Variants in GRIA1 observed in about 807,000 individuals in gnomAD.
The protein encoded by GRIA1 is glutamate ionotropic receptor AMPA type subunit 1, also known as glutamate receptor 1.
GRIA1 carries 31 observed loss-of-function variants against 99.2 expected under a neutral mutation model. The observed-to-expected ratio is 0.31, with a 90% CI of 0.23 to 0.42. The LOEUF (loss-of-function observed/expected upper bound fraction) is 0.42. Among genes scored for constraint, GRIA1 ranks in the 10% least tolerant of loss-of-function variants. The probability of loss-of-function intolerance (pLI) is 1.00; values close to 1 mark genes in which losing one functional copy is unlikely to be tolerated. For missense variants in GRIA1, 782 were observed against 1,157.5 expected (o/e 0.68, Z 4.71); for synonymous variants, 438 against 432.4 (o/e 1.01, Z -0.16).
At chr5:153,526,371 T>C (rs1282456061) in intron 2 of GRIA1, among the ~76,000 whole-genome samples, 1 of 152,244 alleles carries the variant, frequency 6.6e-6, no homozygotes, top group Non-Finnish European at 1.5e-5. Flanking sequence ...GCAAAATGTA[T>C]ATTTTAAAGG....
At chr5:153,779,807 G>A (rs376235695) in intron 13 of GRIA1, among the ~76,000 whole-genome samples, 5 of 152,224 alleles carry the variant, frequency 3.3e-5, no homozygotes, top group East Asian at 3.9e-4. Context: ...TGATCCATCC[G>A]CCTCGGCCTC....
intron 2 of GRIA1, among the ~76,000 whole-genome samples, chr5:153,623,373 AAG>A (rs1366108283): frequency 6.6e-6 from 1 of 152,216 alleles, no homozygotes; most frequent in Non-Finnish European, 1.5e-5. Flanking sequence ...TTATTCATGT[AAG>A]AGTGTCTATG....
At chr5:153,675,268 G>T (rs763506151) in intron 6 of GRIA1, among the ~76,000 whole-genome samples, 4 of 152,166 alleles carry the variant, frequency 2.6e-5, no homozygotes, top group Non-Finnish European at 5.9e-5. Flanking sequence ...GCTTCTTTGT[G>T]TAGTGAGGTG....
At chr5:153,647,344 G>A (rs1393691448) in intron 3 of GRIA1, among the ~76,000 whole-genome samples, 177 bp downstream of exon 3, 4 of 152,048 alleles carry the variant, frequency 2.6e-5, no homozygotes, top group Non-Finnish European at 4.4e-5. Flanking sequence ...GTTTGGAAAC[G>A]CATTCTGAGA....
At chr5:153,707,301 T>C (rs1758967516) in intron 11 of GRIA1, among the ~76,000 whole-genome samples, 1 of 152,084 alleles carries the variant, frequency 6.6e-6, no homozygotes, top group Non-Finnish European at 1.5e-5. Context: ...AAAAAGTGAC[T>C]GAAGCTAAGA....
In GRIA1 at chr5:153,715,779, A is replaced by G. The variant is rs113998438; in HGVS notation, c.1823+9712A>G. 3.0e-3 allele frequency among the ~76,000 whole-genome samples: 454 copies of G among 152,320 alleles called. 4 individuals carry two copies. Among genetic ancestry groups the G allele is most frequent in the African/African-American group, 0.01 (424 of 41,576 alleles). ...GTAGACTCATTTCTACAACTTATTCAAAACCTGACATGAGGGGTTGTATGT... is the reference window on the plus strand; with the variant it reads ...GTAGACTCATTTCTACAACTTATTCGAAACCTGACATGAGGGGTTGTATGT... On this transcript the variant is annotated intron_variant, in intron 11 of 15. Transcript: ENST00000285900.
At chr5:153,607,922 GAAT>G (rs1339420374) in intron 2 of GRIA1, among the ~76,000 whole-genome samples, 2 of 151,860 alleles carry the variant, frequency 1.3e-5, no homozygotes, top group African/African-American at 4.8e-5. Context: ...CCTTCTTTGT[GAAT>G]AATATCATTC....
In GRIA1 at chr5:153,698,893, GAAC is replaced by G; in HGVS notation, c.1273_1275del (p.Asn425del). The G allele has an allele frequency of 6.2e-7, 1 of 1,613,316 alleles. No individual in the cohort carries two copies. The highest frequency in any genetic ancestry group is 8.5e-7 in the Non-Finnish European group (1 of 1,179,246). ...AAGATCCTTATGTGATGCTCAAGAA[GAAC>G]GCCAATCAGTTTGAGGGCAATGACC... On this transcript the variant is annotated inframe_deletion, in exon 10 of 16. Coordinates refer to ENST00000285900, the MANE Select transcript of GRIA1 (RefSeq NM_000827.4).
intron 5 of GRIA1, among the ~76,000 whole-genome samples, chr5:153,667,674 T>C (rs746916214): frequency 6.6e-6 from 1 of 152,212 alleles, no homozygotes; most frequent in African/African-American, 2.4e-5. Context: ...ACCAGAGAAC[T>C]GAGCCTCAGA....
intron 2 of GRIA1, among the ~76,000 whole-genome samples, chr5:153,567,345 G>A (rs1008052341): frequency 1.3e-5 from 2 of 152,190 alleles, no homozygotes; most frequent in African/African-American, 4.8e-5. Flanking sequence ...AAAATGAAGT[G>A]AGATAATGAA....
intron 2 of GRIA1, among the ~76,000 whole-genome samples, chr5:153,547,518 A>G (rs754531726): frequency 1.3e-5 from 2 of 152,178 alleles, no homozygotes; most frequent in Non-Finnish European, 2.9e-5. Flanking sequence ...GACAGATGCA[A>G]CTACTTCTTA....
intron 2 of GRIA1, among the ~76,000 whole-genome samples, chr5:153,523,707 C>A (rs1355728499): frequency 1.3e-5 from 2 of 151,988 alleles, no homozygotes; most frequent in East Asian, 1.9e-4. Flanking sequence ...AAGAATGCTG[C>A]GAGGATAGAA....
chr5:153,694,487 C>T (rs2149508020), intron 8 of GRIA1, among the ~76,000 whole-genome samples: 1 of 152,252 alleles, frequency 6.6e-6, no homozygotes, highest in East Asian at 1.9e-4. Flanking sequence ...TAGGCACTAC[C>T]CTAATGAATA....
chr5:153,722,861 G>A (rs982959145), intron 11 of GRIA1, among the ~76,000 whole-genome samples: 20 of 152,282 alleles, frequency 1.3e-4, no homozygotes, highest in African/African-American at 4.8e-4. Context: ...TGTTGGATTA[G>A]CAATGATTGT....
rs1280452459 is a variant in GRIA1, at chr5:153,705,879, T to C, written c.1635T>C (p.Phe545=). 1 of 1,614,032 alleles carries C rather than the reference T, an allele frequency of 6.2e-7. No homozygotes were observed. Among genetic ancestry groups the C allele is most frequent in the Non-Finnish European group, 8.5e-7 (1 of 1,179,976 alleles). The change falls in exon 11 of 16, where the codon TTT becomes TTC. Residue 545 remains phenylalanine (F), a synonymous_variant. Coordinates refer to ENST00000285900, the MANE Select transcript of GRIA1 (RefSeq NM_000827.4). The part of the protein sequence containing the change: ...LAYEIWMCIV[F]AYIGVSVVLF... ...ATGAGATTTGGATGTGCATTGTTTTTGCCTACATTGGAGTGAGTGTTGTCC... is the reference window on the plus strand; with the variant it reads ...ATGAGATTTGGATGTGCATTGTTTTCGCCTACATTGGAGTGAGTGTTGTCC...
chr5:153,796,763 C>T (rs570246325), intron 14 of GRIA1, among the ~76,000 whole-genome samples: 1 of 152,112 alleles, frequency 6.6e-6, no homozygotes, highest in African/African-American at 2.4e-5. Flanking sequence ...AATTCATGAA[C>T]TGAGCTTAGA....
intron 2 of GRIA1, among the ~76,000 whole-genome samples, chr5:153,559,203 C>T (rs147209697): frequency 3.3e-5 from 5 of 152,284 alleles, no homozygotes; most frequent in Non-Finnish European, 5.9e-5. Flanking sequence ...AATCTCAGGC[C>T]CTCCAAGGAA....
chr5:153,495,655 G>A (rs982585561), intron 2 of GRIA1, among the ~76,000 whole-genome samples: 4 of 152,148 alleles, frequency 2.6e-5, no homozygotes, highest in Non-Finnish European at 4.4e-5. Context: ...CTTCATTTTG[G>A]TAATGCTGAG....
chr5:153,717,923 G>C (rs1191239815), intron 11 of GRIA1, among the ~76,000 whole-genome samples: 1 of 152,166 alleles, frequency 6.6e-6, no homozygotes, highest in Non-Finnish European at 1.5e-5. Context: ...TTCCTGGCTG[G>C]GGACCCCCCT....
Sources: gnomAD v4.1 joint callset for allele counts (sites outside exome capture counted in the v4.1 genomes callset) on GRCh38, gnomAD v4.1.1 for gene constraint, MANE v1.5 for transcripts, NCBI Gene and HGNC (gene_info 2026-07-23, HGNC 2026-07-21) for gene names.